The following LRMDA variants were observed in gnomAD, a reference collection of about 807,000 sequenced individuals.
LRMDA encodes leucine rich melanocyte differentiation associated, also known as leucine-rich melanocyte differentiation-associated protein.
In LRMDA, 18 loss-of-function variants were observed where a neutral mutation model predicts 29.8. That is an observed-to-expected ratio of 0.60 (90% CI 0.42 to 0.90). The LOEUF is 0.90. LRMDA is among the 40% of genes least tolerant of loss of function. The pLI, the probability that LRMDA is intolerant of heterozygous loss-of-function variation, is 0.00. For synonymous variants in LRMDA, 125 were observed against 109.4 expected (o/e 1.14, Z -0.89); for missense variants, 273 against 273.9 (o/e 1.00, Z 0.02).
chr10:76,123,863 G>A (rs1382398755), intron 5 of LRMDA, among the ~76,000 whole-genome samples: 1 of 152,200 alleles, frequency 6.6e-6, no homozygotes, highest in African/African-American at 2.4e-5. Context: ...AGGGGATGCG[G>A]CAAATATTTG....
intron 6 of LRMDA, among the ~76,000 whole-genome samples, chr10:76,427,445 A>G (rs1842140275): frequency 6.6e-6 from 1 of 152,136 alleles, no homozygotes. Flanking sequence ...ATTTTTGCAC[A>G]TTGATTTTGT....
chr10:76,219,790 CA>C (rs1851796308), intron 5 of LRMDA, among the ~76,000 whole-genome samples: 1 of 152,178 alleles, frequency 6.6e-6, no homozygotes. Context: ...CAGAACTCTC[CA>C]CCCCAAATCA....
At chr10:75,620,478 G>A (rs1440910576) in intron 2 of LRMDA, among the ~76,000 whole-genome samples, 1 of 152,160 alleles carries the variant, frequency 6.6e-6, no homozygotes, top group Non-Finnish European at 1.5e-5. Context: ...GTCATTTTAG[G>A]TTAGTATTAT....
intron 2 of LRMDA, among the ~76,000 whole-genome samples, chr10:75,889,314 C>T (rs1845443890): frequency 6.6e-6 from 1 of 152,178 alleles, no homozygotes; most frequent in Non-Finnish European, 1.5e-5. Context: ...TTTAGGAACA[C>T]TAGAAATCAT....
intron 2 of LRMDA, among the ~76,000 whole-genome samples, chr10:75,999,696 T>A (rs1006648485): frequency 6.6e-6 from 1 of 152,228 alleles, no homozygotes; most frequent in Non-Finnish European, 1.5e-5. Flanking sequence ...GTTCTGGATT[T>A]CCTGTTAATG....
chr10:75,728,686 A>G (rs764972979), intron 2 of LRMDA, among the ~76,000 whole-genome samples: 7 of 152,132 alleles, frequency 4.6e-5, no homozygotes, highest in Non-Finnish European at 7.3e-5. Context: ...CATGAACTCG[A>G]TCTGAGCCTT....
At chr10:76,267,767 G>A (rs966475898) in intron 5 of LRMDA, among the ~76,000 whole-genome samples, 3 of 152,076 alleles carry the variant, frequency 2.0e-5, no homozygotes, top group African/African-American at 7.2e-5. Context: ...TGTGTGAAAT[G>A]TCTCATTTGA....
At chr10:76,330,367 T>G (rs1437220123) in intron 6 of LRMDA, among the ~76,000 whole-genome samples, 1 of 152,162 alleles carries the variant, frequency 6.6e-6, no homozygotes, top group Non-Finnish European at 1.5e-5. Flanking sequence ...GGGTATGATC[T>G]AATGGGAATA....
chr10:75,465,227 T>C (rs1323209099), intron 2 of LRMDA, among the ~76,000 whole-genome samples: 1 of 152,214 alleles, frequency 6.6e-6, no homozygotes, highest in Non-Finnish European at 1.5e-5. Flanking sequence ...TAAACTAGAA[T>C]GGAATGTTTT....
intron 6 of LRMDA, among the ~76,000 whole-genome samples, chr10:76,542,086 G>C (rs1843364278): frequency 6.7e-6 from 1 of 148,636 alleles, no homozygotes; most frequent in South Asian, 2.1e-4. Context: ...TGTGTAGGCA[G>C]GCATGAGTGA....
chr10:76,507,959 G>GGA (rs369871252), intron 6 of LRMDA, among the ~76,000 whole-genome samples: 245 of 152,150 alleles, frequency 1.6e-3, no homozygotes, highest in African/African-American at 5.1e-3. Flanking sequence ...TTTTGCTCAA[G>GGA]ACTGCTTTGG....
intron 2 of LRMDA, among the ~76,000 whole-genome samples, chr10:75,968,529 C>G (rs1050304775): frequency 6.6e-6 from 1 of 152,170 alleles, no homozygotes; most frequent in African/African-American, 2.4e-5. Flanking sequence ...CTTGCATGCT[C>G]AAGTGCCTCT....
At chr10:76,081,177 T>A (rs1333484264) in intron 5 of LRMDA, among the ~76,000 whole-genome samples, 4 of 152,240 alleles carry the variant, frequency 2.6e-5, no homozygotes, top group African/African-American at 9.6e-5. Flanking sequence ...TGTTCTTTTT[T>A]TCCAATGAAA....
intron 2 of LRMDA, among the ~76,000 whole-genome samples, chr10:75,982,738 A>G (rs567115225): frequency 6.6e-4 from 100 of 152,192 alleles, no homozygotes; most frequent in Non-Finnish European, 1.3e-3. Context: ...TTATTATTAC[A>G]TGGTACTTGG....
At chr10:75,623,836 C>G (rs1564525157) in intron 2 of LRMDA, among the ~76,000 whole-genome samples, 1 of 152,198 alleles carries the variant, frequency 6.6e-6, no homozygotes, top group Non-Finnish European at 1.5e-5. Flanking sequence ...AGCTAGAAAG[C>G]AACCGATTTT....
chr10:75,977,783 A>G (rs931442651), intron 2 of LRMDA, among the ~76,000 whole-genome samples: 5 of 152,152 alleles, frequency 3.3e-5, no homozygotes, highest in African/African-American at 1.2e-4. Flanking sequence ...CATTTCAGGT[A>G]GAGAGCCTCA....
At chr10:75,847,448 G>A (rs1844658587) in intron 2 of LRMDA, among the ~76,000 whole-genome samples, 1 of 152,060 alleles carries the variant, frequency 6.6e-6, no homozygotes, top group East Asian at 1.9e-4. Flanking sequence ...AGTGGATTAA[G>A]CAATGATATT....
chr10:75,567,713 G>A (rs1023850416), intron 2 of LRMDA, among the ~76,000 whole-genome samples: 2 of 152,170 alleles, frequency 1.3e-5, no homozygotes, highest in Non-Finnish European at 2.9e-5. Context: ...GAAAACGCAT[G>A]TATTATATTT....
At position 75,884,272 on chromosome 10, in the gene LRMDA, T is replaced by TGTGG. The variant is rs1554831849; in HGVS notation, c.132-151733_132-151732insGGTG. Among the ~76,000 whole-genome samples, 421 of 145,444 alleles carry TGTGG rather than the reference T, an allele frequency of 2.9e-3. 3 individuals are homozygous for TGTGG. Among genetic ancestry groups the TGTGG allele is most frequent in the African/African-American group, 0.011 (404 of 36,406 alleles). ...GTGTGTGTGTGTGTGTGTGTGTGTG[T>TGTGG]GTGTGTGTGTGTGTGTGTGTAGGGG... On this transcript the variant is annotated intron_variant, in intron 2 of 6. Coordinates refer to ENST00000611255, the MANE Select transcript of LRMDA (RefSeq NM_001305581.2).
Sources: gnomAD v4.1 joint callset for allele counts (sites outside exome capture counted in the v4.1 genomes callset) on GRCh38, gnomAD v4.1.1 for gene constraint, MANE v1.5 for transcripts, NCBI Gene and HGNC (gene_info 2026-07-23, HGNC 2026-07-21) for gene names.